Variants in CD226 observed in about 807,000 individuals in gnomAD.
CD226 encodes CD226 antigen.
Under a neutral mutation model 34.9 loss-of-function variants are expected in CD226, and 24 were observed. The ratio of observed to expected loss-of-function variants is 0.69; its 90% CI spans 0.50 to 0.97. The LOEUF is 0.97. Among genes scored for constraint, CD226 ranks in the 50% least tolerant of loss-of-function variants. The pLI is 0.00. For synonymous variants in CD226, 148 were observed against 147.4 expected (o/e 1.00, Z -0.03); for missense variants, 397 against 412.7 (o/e 0.96, Z 0.33).
At chr18:69,899,694 T>A (rs1045470537) in intron 2 of CD226, among the ~76,000 whole-genome samples, 1 of 152,122 alleles carries the variant, frequency 6.6e-6, no homozygotes, top group Non-Finnish European at 1.5e-5. Context: ...ATATCACTCA[T>A]CATTACAGAA....
chr18:69,871,553 T>C (rs1047159226), intron 4 of CD226, among the ~76,000 whole-genome samples: 1 of 152,176 alleles, frequency 6.6e-6, no homozygotes, highest in Non-Finnish European at 1.5e-5. Flanking sequence ...TACACAATGA[T>C]TCCAGATGGT....
At chr18:69,935,257 A>G (rs1432724049) in intron 2 of CD226, among the ~76,000 whole-genome samples, 1 of 152,232 alleles carries the variant, frequency 6.6e-6, no homozygotes, top group Non-Finnish European at 1.5e-5. Context: ...ACTTTCAGTT[A>G]ATAATGTGAT....
chr18:69,940,971 T>C (rs572995766), intron 2 of CD226, among the ~76,000 whole-genome samples: 1 of 152,278 alleles, frequency 6.6e-6, no homozygotes, highest in Admixed American at 6.5e-5. Flanking sequence ...GGACTGCATA[T>C]GGTGCCCTAT....
Position 69,903,935 on chromosome 18 carries a change from C to T in CD226, c.383-7890G>A, listed in dbSNP as rs547247025. On this transcript the variant is annotated intron_variant, in intron 2 of 5. Transcript: ENST00000582621. ...GACCATCAGGACGACATCTTGGGTA[C>T]AGTCTGGGCCTCGCCAGCACCCATC... Among the ~76,000 whole-genome samples the T allele has an allele frequency of 4.5e-4, 68 of 152,272 alleles. 2 individuals carry two copies. The South Asian group carries it at 0.012, about 26-fold the overall frequency.
At chr18:69,948,393 C>T (rs182280356), upstream of CD226, among the ~76,000 whole-genome samples, 27 of 152,286 alleles carry the variant, frequency 1.8e-4, no homozygotes, top group Admixed American at 1.8e-3. Flanking sequence ...CCTGGTAAGA[C>T]TGTCAAAATA....
At chr18:69,934,817 G>A (rs1034828582) in intron 2 of CD226, among the ~76,000 whole-genome samples, 1 of 152,186 alleles carries the variant, frequency 6.6e-6, no homozygotes, top group African/African-American at 2.4e-5. Context: ...TCAGGAGTAA[G>A]TAGAAGAGAT....
At chr18:69,930,169 TA>T (rs200152295) in intron 2 of CD226, among the ~76,000 whole-genome samples, 2 of 152,108 alleles carry the variant, frequency 1.3e-5, no homozygotes, top group Non-Finnish European at 1.5e-5. Context: ...AAATATTTTT[TA>T]AAAAATACAA....
At chr18:69,873,056 A>C in intron 4 of CD226, 88 bp downstream of exon 4, 1 of 784,062 alleles carries the variant, frequency 1.3e-6, no homozygotes, top group Non-Finnish European at 2.3e-6. Flanking sequence ...ATATATGTGA[A>C]TGCTGAGACA....
intron 4 of CD226, among the ~76,000 whole-genome samples, chr18:69,868,158 G>A (rs989738086): frequency 6.6e-6 from 1 of 152,148 alleles, no homozygotes; most frequent in African/African-American, 2.4e-5. Context: ...CAGAGAAGAA[G>A]AAAAGAGGCT....
rs1230151077 is a variant in CD226, at chr18:69,857,593, G to T, written c.*6721C>A. 1.3e-5 allele frequency: 2 copies of T among 152,220 alleles called. No individual in the cohort carries two copies. Among genetic ancestry groups the T allele is most frequent in the African/African-American group, 4.8e-5 (2 of 41,466 alleles). The allele number at this position is 152,220 out of a possible 1,614,324, so 9.4% of individuals were successfully genotyped here. A position where few individuals can be genotyped will look rare whatever the true frequency, so the allele number is the denominator to read the frequency against. Reference sequence around the variant, plus strand: ...AAAACATAAAATCAGTTGAGATTATGTAAATTTTGAAGAATGAAGAAAGTA... The same window carrying T: ...AAAACATAAAATCAGTTGAGATTATTTAAATTTTGAAGAATGAAGAAAGTA... On this transcript the variant is annotated 3_prime_UTR_variant, in exon 6 of 6. Coordinates refer to ENST00000582621, the MANE Select transcript of CD226 (RefSeq NM_001303618.2).
At chr18:69,960,908 G>A (rs1186871961), upstream of CD226, among the ~76,000 whole-genome samples, 1 of 152,148 alleles carries the variant, frequency 6.6e-6, no homozygotes, top group Non-Finnish European at 1.5e-5. Context: ...GACAAGGATG[G>A]CCACAATCAC....
rs778564316 is a variant in CD226, at chr18:69,947,071, T to A, written c.47-2A>T. On this transcript the variant is annotated splice_acceptor_variant, in intron 1 of 5. Coordinates refer to ENST00000582621, the MANE Select transcript of CD226 (RefSeq NM_001303618.2). LOFTEE classifies it high-confidence loss of function. ...GCCAAAGCACCTCTTCACATAGAGC[T>A]GAAATATACAACATCACATTAATTG... 1.2e-6 allele frequency: 2 copies of A among 1,607,392 alleles called. No homozygotes were observed. Among genetic ancestry groups the A allele is most frequent in the South Asian group, 2.2e-5 (2 of 90,790 alleles).
intron 3 of CD226, among the ~76,000 whole-genome samples, chr18:69,890,083 C>T (rs908219150): frequency 1.4e-4 from 22 of 151,878 alleles, no homozygotes; most frequent in African/African-American, 5.3e-4. Context: ...ATCAGTAAAC[C>T]TCAAAGGTTA....
At chr18:69,890,171 G>A (rs572684754) in intron 3 of CD226, among the ~76,000 whole-genome samples, 2 of 152,312 alleles carry the variant, frequency 1.3e-5, no homozygotes, top group African/African-American at 4.8e-5. Flanking sequence ...CTACTAGAAT[G>A]AATAGAAACA....
chr18:69,934,209 G>T (rs1455414556), intron 2 of CD226, among the ~76,000 whole-genome samples: 3 of 151,740 alleles, frequency 2.0e-5, no homozygotes, highest in African/African-American at 7.3e-5. Context: ...TTAGGTAAAT[G>T]ACTTAAAATT....
intron 2 of CD226, among the ~76,000 whole-genome samples, chr18:69,927,737 T>C (rs2055540450): frequency 2.0e-5 from 3 of 152,356 alleles, no homozygotes; most frequent in African/African-American, 7.2e-5. Context: ...ATGAAGAATA[T>C]TCCATTGTAT....
chr18:69,933,705 G>C (rs1303696305), intron 2 of CD226, among the ~76,000 whole-genome samples: 1 of 152,146 alleles, frequency 6.6e-6, no homozygotes, highest in Non-Finnish European at 1.5e-5. Flanking sequence ...CAATAAAGCA[G>C]ATTCAATTAC....
rs2055680550 is a variant in CD226, at chr18:69,938,324, C to T, written c.382+8410G>A. On this transcript the variant is annotated intron_variant, in intron 2 of 5. Transcript: ENST00000582621. ...ACTCTCCCCCTCTTTTCTCTATGCC[C>T]TCTACATTCTTTAACATGAACACCT... 2.0e-5 allele frequency among the ~76,000 whole-genome samples: 3 copies of T among 152,184 alleles called. No homozygotes were observed. In the South Asian group the frequency reaches 6.2e-4, roughly 32 times the overall value.
rs1291053657 is a variant in CD226, at chr18:69,856,249, T to G, written c.*8065A>C. On this transcript the variant is annotated 3_prime_UTR_variant, in exon 6 of 6. Transcript: ENST00000582621. ...AAGGGGTCAATTCTCCAAGAAAACC[T>G]AACGATTCTGAAAGTATATGTACTA... 1.3e-5 allele frequency: 2 copies of G among 152,128 alleles called. No individual in the cohort carries two copies. Among genetic ancestry groups the G allele is most frequent in the Non-Finnish European group, 2.9e-5 (2 of 68,002 alleles). 9.4% of individuals were successfully genotyped at this position (152,128 alleles called of 1,614,324 possible). A position where few individuals can be genotyped will look rare whatever the true frequency, so the allele number is the denominator to read the frequency against.
Sources: gnomAD v4.1 joint callset for allele counts (sites outside exome capture counted in the v4.1 genomes callset) on GRCh38, gnomAD v4.1.1 for gene constraint, MANE v1.5 for transcripts, NCBI Gene and HGNC (gene_info 2026-07-23, HGNC 2026-07-21) for gene names.